The following SUPT3H variants were observed in gnomAD, a reference collection of about 807,000 sequenced individuals.
SUPT3H encodes transcription initiation protein SPT3 homolog.
A neutral mutation model predicts 44.3 loss-of-function variants in SUPT3H; 44 were observed. That is an observed-to-expected ratio of 0.99 (90% confidence interval 0.78 to 1.28). The LOEUF is 1.28. Ranked by LOEUF, SUPT3H falls within the 50% of genes most tolerant of loss-of-function variation. The pLI is 0.00. For synonymous variants in SUPT3H, 124 were observed against 125.6 expected (o/e 0.99, Z 0.09); for missense variants, 380 against 387.1 (o/e 0.98, Z 0.15).
chr6:45,284,334 T>C (rs745893444), intron 2 of SUPT3H, among the ~76,000 whole-genome samples: 1 of 151,436 alleles, frequency 6.6e-6, no homozygotes, highest in African/African-American at 2.4e-5. Flanking sequence ...ATCAACAAAA[T>C]TGACAGACCG....
chr6:45,093,833 T>C (rs1020354412), intron 3 of SUPT3H, among the ~76,000 whole-genome samples: 2 of 152,190 alleles, frequency 1.3e-5, no homozygotes, highest in East Asian at 3.9e-4. Flanking sequence ...AGTTGTTGAG[T>C]AGATTCACAT....
At chr6:45,013,509 A>C (rs1318501804) in intron 5 of SUPT3H, among the ~76,000 whole-genome samples, 1 of 152,032 alleles carries the variant, frequency 6.6e-6, no homozygotes, top group Non-Finnish European at 1.5e-5. Context: ...CCTGGATCTG[A>C]GAATGGTGAT....
At chr6:45,278,415 C>G (rs1325971100) in intron 2 of SUPT3H, among the ~76,000 whole-genome samples, 1 of 152,082 alleles carries the variant, frequency 6.6e-6, no homozygotes, top group Non-Finnish European at 1.5e-5. Context: ...TTTCAAAGTT[C>G]CATCATTATC....
At chr6:45,126,249 C>A (rs1350186364) in intron 2 of SUPT3H, among the ~76,000 whole-genome samples, 2 of 152,144 alleles carry the variant, frequency 1.3e-5, no homozygotes, top group Non-Finnish European at 2.9e-5. Context: ...GTGTACAGGG[C>A]CTCTTTTAAA....
At chr6:44,950,029 G>T (rs186993074) in intron 9 of SUPT3H, among the ~76,000 whole-genome samples, 107 of 152,334 alleles carry the variant, frequency 7.0e-4, no homozygotes, top group African/African-American at 2.5e-3. Flanking sequence ...ACTGGTGACA[G>T]TCCAGATACT....
chr6:45,168,483 C>T (rs147439092), intron 2 of SUPT3H, among the ~76,000 whole-genome samples: 2,661 of 152,200 alleles, frequency 0.017, 50 homozygotes, highest in South Asian at 0.084. Flanking sequence ...ACCTTGGGCA[C>T]ATGTTCTCAG....
intron 10 of SUPT3H, among the ~76,000 whole-genome samples, chr6:44,891,856 A>G (rs1763369403): frequency 6.6e-6 from 1 of 152,106 alleles, no homozygotes; most frequent in Admixed American, 6.5e-5. Flanking sequence ...AAAAAAAGAC[A>G]AATAAAATAT....
intron 9 of SUPT3H, among the ~76,000 whole-genome samples, chr6:44,950,639 TA>T (rs1326724140): frequency 6.6e-6 from 1 of 151,950 alleles, no homozygotes; most frequent in Non-Finnish European, 1.5e-5. Flanking sequence ...GAATTAATAT[TA>T]AACTTGCTAA....
intron 6 of SUPT3H, among the ~76,000 whole-genome samples, chr6:44,994,125 A>G (rs1036539093): frequency 2.6e-5 from 4 of 152,122 alleles, no homozygotes; most frequent in Non-Finnish European, 4.4e-5. Context: ...GGCTGTATTC[A>G]CCTTTACTAG....
chr6:44,976,423 G>A (rs13196587), intron 6 of SUPT3H, among the ~76,000 whole-genome samples: 69,282 of 151,374 alleles, frequency 0.46, 16,294 homozygotes, highest in Admixed American at 0.55. Flanking sequence ...GTGCAGTGGC[G>A]CAATCTTGGC....
intron 7 of SUPT3H, 54 bp from the exon 8 acceptor site, chr6:44,954,661 T>C (rs1340946103): frequency 1.1e-6 from 1 of 936,122 alleles, no homozygotes; most frequent in East Asian, 2.4e-5. Flanking sequence ...AGTGTTTTAA[T>C]ACTGCACATT....
At chr6:44,905,048 A>C (rs75872630) in intron 10 of SUPT3H, among the ~76,000 whole-genome samples, 49,843 of 151,892 alleles carry the variant, frequency 0.33, 9,288 homozygotes, top group Admixed American at 0.41. Context: ...TAAACGTTAG[A>C]CCTAAAACCA....
intron 6 of SUPT3H, among the ~76,000 whole-genome samples, chr6:44,999,544 T>C (rs1781736725): frequency 2.0e-5 from 3 of 152,090 alleles, no homozygotes; most frequent in Admixed American, 2.0e-4. Context: ...CCAAACCTCT[T>C]CTCTCTTCCC....
chr6:44,886,826 T>C lies in SUPT3H; in HGVS notation c.912+45827A>G, dbSNP rs916439388. Among the ~76,000 whole-genome samples, 267 of 152,172 alleles carry C rather than the reference T, an allele frequency of 1.8e-3. 9 individuals are homozygous for C. The highest frequency in any genetic ancestry group is 0.01 in the Middle Eastern group (3 of 294). On this transcript the variant is annotated intron_variant, in intron 10 of 10. Coordinates refer to ENST00000371459, the MANE Select transcript of SUPT3H (RefSeq NM_003599.4). Reference sequence around the variant, plus strand: ...CAATTAAAAGACACAGACTGGCAAATTGGATAAAGAGTCAAGACCCATCAG... The same window carrying C: ...CAATTAAAAGACACAGACTGGCAAACTGGATAAAGAGTCAAGACCCATCAG...
intron 2 of SUPT3H, among the ~76,000 whole-genome samples, chr6:45,208,737 A>C (rs1423839354): frequency 0.018 from 780 of 43,750 alleles, 28 homozygotes; most frequent in African/African-American, 0.067. Context: ...AAAAAAAAAA[A>C]CAAACAAAAA....
chr6:45,209,155 A>T (rs1051437205), intron 2 of SUPT3H, among the ~76,000 whole-genome samples: 1 of 152,192 alleles, frequency 6.6e-6, no homozygotes, highest in Non-Finnish European at 1.5e-5. Context: ...GTCACCCAAG[A>T]GCTCTGGTGG....
intron 2 of SUPT3H, among the ~76,000 whole-genome samples, chr6:45,204,010 G>A (rs1303791505): frequency 6.6e-6 from 1 of 152,152 alleles, no homozygotes; most frequent in Non-Finnish European, 1.5e-5. Flanking sequence ...CACTTTGGGA[G>A]GCCGAAGCTG....
At chr6:44,942,721 T>C (rs576696622) in intron 9 of SUPT3H, among the ~76,000 whole-genome samples, 6 of 152,284 alleles carry the variant, frequency 3.9e-5, no homozygotes, top group African/African-American at 1.4e-4. Context: ...CCGTCACGTA[T>C]GGCTTTCCGC....
In SUPT3H at chr6:45,365,551, T is replaced by TA. The variant is rs1036953877; in HGVS notation, c.1-251dup. ...GTGATAAATACTTTAGCACCTATTT[T>TA]ACAATAGGTAATGTAAAAACAGTAT... On this transcript the variant is annotated intron_variant, in intron 1 of 10. Coordinates refer to ENST00000371459, the MANE Select transcript of SUPT3H (RefSeq NM_003599.4). 3.3e-5 allele frequency among the ~76,000 whole-genome samples: 5 copies of TA among 151,592 alleles called. No individual in the cohort carries two copies. The East Asian group carries it at 7.7e-4, about 23-fold the overall frequency.
Sources: gnomAD v4.1 joint callset for allele counts (sites outside exome capture counted in the v4.1 genomes callset) on GRCh38, gnomAD v4.1.1 for gene constraint, MANE v1.5 for transcripts, NCBI Gene and HGNC (gene_info 2026-07-23, HGNC 2026-07-21) for gene names.